The following LRBA variants were observed in gnomAD, a reference collection of about 807,000 sequenced individuals.
LRBA encodes LPS responsive beige-like anchor protein.
A neutral mutation model predicts 330.0 loss-of-function variants in LRBA; 176 were observed. The observed-to-expected ratio is 0.53, with a 90% CI of 0.47 to 0.60. LRBA has a LOEUF of 0.60. LRBA is among the 20% of genes least tolerant of loss of function. LRBA has a pLI of 0.00. For missense variants in LRBA, 3,259 were observed against 3,444.8 expected, an observed-to-expected ratio of 0.95 and a Z score of 1.35; for synonymous variants, 1,230 against 1,193.0, an observed-to-expected ratio of 1.03 and a Z score of -0.64.
intron 40 of LRBA, among the ~76,000 whole-genome samples, chr4:150,539,981 T>A (rs1765139650): frequency 6.6e-6 from 1 of 152,248 alleles, no homozygotes. Flanking sequence ...ATGTTTAGTA[T>A]TTTATTTTTT....
At chr4:150,951,040 A>G (rs1736779820) in intron 2 of LRBA, among the ~76,000 whole-genome samples, 1 of 152,242 alleles carries the variant, frequency 6.6e-6, no homozygotes, top group Non-Finnish European at 1.5e-5. Flanking sequence ...GTTCCCTGCC[A>G]TGTGGACAGA....
intron 35 of LRBA, among the ~76,000 whole-genome samples, chr4:150,761,237 A>T (rs1051954949): frequency 1.3e-5 from 2 of 151,790 alleles, no homozygotes; most frequent in African/African-American, 4.8e-5. Flanking sequence ...TCTCCCTTTT[A>T]TCTCTCTTTT....
intron 42 of LRBA, among the ~76,000 whole-genome samples, chr4:150,474,447 A>C (rs1756487166): frequency 6.6e-6 from 1 of 152,176 alleles, no homozygotes; most frequent in Non-Finnish European, 1.5e-5. Context: ...ATCAAGGTAC[A>C]TCTTCCAATT....
chr4:150,382,347 G>C (rs1464540813), intron 47 of LRBA, among the ~76,000 whole-genome samples: 2 of 152,094 alleles, frequency 1.3e-5, no homozygotes, highest in African/African-American at 4.8e-5. Context: ...TCTGGGGCTG[G>C]GCACGGTGGC....
At chr4:150,752,309 A>G (rs1733667581) in intron 35 of LRBA, among the ~76,000 whole-genome samples, 1 of 152,058 alleles carries the variant, frequency 6.6e-6, no homozygotes, top group African/African-American at 2.4e-5. Flanking sequence ...AGCACATCCA[A>G]TAATTCAGTA....
At chr4:150,780,817 AG>A (rs897359441) in intron 34 of LRBA, among the ~76,000 whole-genome samples, 28 of 149,360 alleles carry the variant, frequency 1.9e-4, no homozygotes, top group Non-Finnish European at 2.7e-4. Context: ...CAAGGGGGTG[AG>A]GGGGGGGAAT....
At chr4:150,492,130 A>C (rs561814341) in intron 40 of LRBA, among the ~76,000 whole-genome samples, 20 of 151,528 alleles carry the variant, frequency 1.3e-4, no homozygotes, top group Non-Finnish European at 2.5e-4. Context: ...CAAAATCCTA[A>C]TGGCAAATAA....
chr4:150,657,690 A>C (rs930915252), intron 37 of LRBA, among the ~76,000 whole-genome samples: 13 of 152,106 alleles, frequency 8.5e-5, no homozygotes, highest in African/African-American at 3.1e-4. Flanking sequence ...ATAGAGTAGA[A>C]CAAAGTACTT....
At chr4:150,721,397 C>A in intron 36 of LRBA, 1 of 289,508 alleles carries the variant, frequency 3.5e-6, no homozygotes, top group Non-Finnish European at 6.7e-6. Flanking sequence ...CTCAGGGAAC[C>A]GAAGTCAAAG....
chr4:150,443,915 G>A lies in LRBA; in HGVS notation c.6781-7051C>T, dbSNP rs553031739. ...TTTTAAAGCCACCTCCAACCAAACT[G>A]ACTAGCAAATCCCAGAGTGATTTGG... On this transcript the variant is annotated intron_variant, in intron 44 of 56. Coordinates refer to ENST00000651943, the MANE Select transcript of LRBA (RefSeq NM_001364905.1). Among the ~76,000 whole-genome samples the A allele has an allele frequency of 9.1e-3, 1,222 of 133,710 alleles. 8 individuals carry two copies. The highest frequency in any genetic ancestry group is 0.02 in the Middle Eastern group (4 of 204). 87.7% of individuals were successfully genotyped at this position (133,710 alleles called of 152,430 possible).
chr4:150,710,112 T>C (rs1299161422), intron 36 of LRBA, among the ~76,000 whole-genome samples: 1 of 152,008 alleles, frequency 6.6e-6, no homozygotes, highest in African/African-American at 2.4e-5. Context: ...AGACAAGAGA[T>C]TACTCCAAAT....
At chr4:150,889,412 G>A (rs1311001376) in intron 17 of LRBA, among the ~76,000 whole-genome samples, 1 of 152,076 alleles carries the variant, frequency 6.6e-6, no homozygotes, top group Non-Finnish European at 1.5e-5. Flanking sequence ...GGAGGCCAAG[G>A]CGGGCAGATC....
At chr4:150,460,775 T>C (rs1263585425) in intron 44 of LRBA, among the ~76,000 whole-genome samples, 1 of 151,850 alleles carries the variant, frequency 6.6e-6, no homozygotes, top group Non-Finnish European at 1.5e-5. Flanking sequence ...AGATTTTTCT[T>C]TACCTTGTTC....
chr4:150,502,925 G>T (rs2152119778), intron 40 of LRBA, among the ~76,000 whole-genome samples: 1 of 152,312 alleles, frequency 6.6e-6, no homozygotes, highest in Non-Finnish European at 1.5e-5. Flanking sequence ...TGACTCAGAG[G>T]GTCCTACACC....
chr4:150,329,127 G>A (rs1175760790), intron 48 of LRBA, among the ~76,000 whole-genome samples: 1 of 152,152 alleles, frequency 6.6e-6, no homozygotes, highest in Non-Finnish European at 1.5e-5. Context: ...CAGAATAAAA[G>A]CTATAGTCTC....
At chr4:150,387,686 G>T (rs150657937) in intron 47 of LRBA, among the ~76,000 whole-genome samples, 3 of 152,126 alleles carry the variant, frequency 2.0e-5, no homozygotes, top group Admixed American at 6.6e-5. Flanking sequence ...GGGGTGAGGA[G>T]GGGGTGGAGT....
At chr4:150,842,870 T>C (rs568157272) in intron 28 of LRBA, among the ~76,000 whole-genome samples, 1 of 151,848 alleles carries the variant, frequency 6.6e-6, no homozygotes, top group Non-Finnish European at 1.5e-5. Flanking sequence ...ACTAGTTTCA[T>C]AGAAGACAAT....
intron 37 of LRBA, among the ~76,000 whole-genome samples, chr4:150,616,611 G>C (rs1775793808): frequency 6.6e-6 from 1 of 152,084 alleles, no homozygotes; most frequent in Non-Finnish European, 1.5e-5. Context: ...TAACAATATT[G>C]ATGTCTCTGG....
At chr4:150,761,926 T>C (rs1023162097) in intron 34 of LRBA, 79 bp from the exon 35 acceptor site, 14 of 733,028 alleles carry the variant, frequency 1.9e-5, no homozygotes, top group Admixed American at 5.4e-5. Context: ...TAATGAAAAA[T>C]ATCACCCATA....
Sources: allele counts gnomAD v4.1 joint callset (sites outside exome capture counted in the v4.1 genomes callset), GRCh38; gene constraint gnomAD v4.1.1; transcripts MANE v1.5; gene names NCBI Gene and HGNC (gene_info 2026-07-23, HGNC 2026-07-21).